RGS9: variants seen among roughly 807,000 people sequenced by gnomAD.
RGS9 encodes regulator of G protein signaling 9, also known as regulator of G-protein signalling 9.
In RGS9, 78 loss-of-function variants were observed where a neutral mutation model predicts 102.0. That is an observed-to-expected ratio of 0.76 (90% CI 0.64 to 0.92). The LOEUF is 0.92. Among genes scored for constraint, RGS9 ranks in the 40% least tolerant of loss-of-function variants. The pLI is 0.00. For synonymous variants in RGS9, 353 were observed against 318.6 expected, an observed-to-expected ratio of 1.11 and a Z score of -1.15; for missense variants, 833 against 866.1, an observed-to-expected ratio of 0.96 and a Z score of 0.48.
chr17:65,163,060 T>C lies in RGS9; in HGVS notation c.471T>C (p.Phe157=), dbSNP rs1445346693. ...LNQKMNYKWD[F]VIMQAKEQYR... is the part of the protein sequence containing the mutation. ...AAAAAATGAACTATAAGTGGGACTTTGTCATTATGCAGGCCAAAGAGCAGT... is the reference window on the plus strand; with the variant it reads ...AAAAAATGAACTATAAGTGGGACTTCGTCATTATGCAGGCCAAAGAGCAGT... Residue 157 remains phenylalanine (F), a synonymous_variant, in exon 7 of 19, where the codon TTT becomes TTC. Transcript: ENST00000262406. 1 of 1,606,274 alleles carries C rather than the reference T, an allele frequency of 6.2e-7. No homozygotes were observed. The highest frequency in any genetic ancestry group is 8.5e-7 in the Non-Finnish European group (1 of 1,173,266).
intron 8 of RGS9, among the ~76,000 whole-genome samples, chr17:65,169,968 T>G (rs969361658): frequency 2.6e-5 from 4 of 151,636 alleles, no homozygotes; most frequent in Admixed American, 6.6e-5. Context: ...ATCACTGTGG[T>G]CACTGTCACC....
At chr17:65,157,725 G>A (rs1362906080) in intron 2 of RGS9, among the ~76,000 whole-genome samples, 1 of 152,074 alleles carries the variant, frequency 6.6e-6, no homozygotes, top group Non-Finnish European at 1.5e-5. Context: ...CCTTCACAAT[G>A]TCATGGAAGG....
Position 65,225,026 on chromosome 17 carries a change from C to T in RGS9, c.1432C>T (p.Pro478Ser). ...TQPGQHMAPSPHLTVYTGTCM... is the reference protein window; with the variant it reads ...TQPGQHMAPSSHLTVYTGTCM... ...GCCGGGCCAGCACATGGCTCCCAGC[C>T]CCCATCTGACCGTGTACACCGGGAC... Residue 478 changes from proline to serine, a missense_variant, in exon 18 of 19, where the codon CCC becomes TCC. This residue lies in a region of RGS9 where 320 missense variants were observed against 276.8 expected (regional missense o/e 1.16). Coordinates refer to ENST00000262406, the MANE Select transcript of RGS9 (RefSeq NM_003835.4). The T allele has an allele frequency of 6.2e-7, 1 of 1,614,016 alleles. No homozygotes were observed. The highest frequency in any genetic ancestry group is 8.5e-7 in the Non-Finnish European group (1 of 1,179,998).
In RGS9 at chr17:65,158,344, G is replaced by A; in HGVS notation, c.204G>A (p.Leu68=). Residue 68 remains leucine, a splice_region_variant and synonymous_variant, in exon 3 of 19, where the codon CTG becomes CTA. Coordinates refer to ENST00000262406, the MANE Select transcript of RGS9 (RefSeq NM_003835.4). ...WIVQRLWISS[L]EAQNLGNFIV... ...TCCAGCGGCTTTGGATCTCCAGTCT[G>A]GGTGAGAGCTCATCTGGCACTCAGT... The A allele has an allele frequency of 5.0e-6, 8 of 1,614,012 alleles. No individual in the cohort carries two copies. The highest frequency in any genetic ancestry group is 6.8e-6 in the Non-Finnish European group (8 of 1,179,898).
chr17:65,169,207 T>G (rs1911313916), intron 8 of RGS9, among the ~76,000 whole-genome samples: 1 of 152,188 alleles, frequency 6.6e-6, no homozygotes, highest in South Asian at 2.1e-4. Context: ...TTATATTCTT[T>G]ATATACTGAA....
At chr17:65,201,634 G>T (rs1172471532) in intron 13 of RGS9, among the ~76,000 whole-genome samples, 1 of 152,210 alleles carries the variant, frequency 6.6e-6, no homozygotes, top group Non-Finnish European at 1.5e-5. Context: ...GACAACCTCT[G>T]GGGGGTGATA....
chr17:65,159,843 C>CT (rs1910910389), intron 3 of RGS9, among the ~76,000 whole-genome samples: 1 of 152,158 alleles, frequency 6.6e-6, no homozygotes, highest in African/African-American at 2.4e-5. Flanking sequence ...GACAAAGTGT[C>CT]TGTTGGTCCA....
At position 65,177,778 on chromosome 17, in the gene RGS9, A is replaced by G. The variant is rs374824643; in HGVS notation, c.629A>G (p.Asn210Ser). ...VLDYGLDRVTNPNEVKVNQKQ... is the reference protein window; with the variant it reads ...VLDYGLDRVTSPNEVKVNQKQ... Reference sequence around the variant, plus strand: ...GACTACGGCCTGGACCGAGTGACCAATCCGAATGAAGTCAAGGTAAACCAG... The same window carrying G: ...GACTACGGCCTGGACCGAGTGACCAGTCCGAATGAAGTCAAGGTAAACCAG... The change falls in exon 9 of 19, where the codon AAT (asparagine) becomes AGT (serine). Residue 210 changes from asparagine to serine, a missense_variant. Transcript: ENST00000262406. 1.9e-5 allele frequency: 31 copies of G among 1,614,108 alleles called. No homozygotes were observed. In the African/African-American group the frequency reaches 3.5e-4, roughly 18 times the overall value.
chr17:65,177,820 T>C lies in RGS9; in HGVS notation c.654+17T>C. 1 of 1,610,916 alleles carries C rather than the reference T, an allele frequency of 6.2e-7. No individual in the cohort carries two copies. Among genetic ancestry groups the C allele is most frequent in the Non-Finnish European group, 8.5e-7 (1 of 1,177,050 alleles). Reference sequence around the variant, plus strand: ...GTAAACCAGGTATGTCTCTGCTGCATAGTTTGGGTAGGGCCTAGGTCGGAT... The same window carrying C: ...GTAAACCAGGTATGTCTCTGCTGCACAGTTTGGGTAGGGCCTAGGTCGGAT... On this transcript the variant is annotated intron_variant, in intron 9 of 18. Transcript: ENST00000262406.
intron 1 of RGS9, among the ~76,000 whole-genome samples, chr17:65,144,381 G>A (rs1226999045): frequency 6.6e-6 from 1 of 152,186 alleles, no homozygotes; most frequent in Non-Finnish European, 1.5e-5. Flanking sequence ...AGCCATCAAA[G>A]CCCTCATTTC....
chr17:65,179,713 T>C (rs888740589), intron 9 of RGS9, among the ~76,000 whole-genome samples: 4 of 150,502 alleles, frequency 2.7e-5, no homozygotes, highest in Non-Finnish European at 4.4e-5. Flanking sequence ...CTTAACTTCA[T>C]CCATTTGAGA....
intron 17 of RGS9, among the ~76,000 whole-genome samples, chr17:65,223,000 T>C (rs1905427294): frequency 6.6e-6 from 1 of 152,176 alleles, no homozygotes; most frequent in South Asian, 2.1e-4. Flanking sequence ...CCACTGTTCC[T>C]GGCAGGGTGT....
At chr17:65,213,402 A>G (rs1393650911) in intron 17 of RGS9, among the ~76,000 whole-genome samples, 1 of 152,076 alleles carries the variant, frequency 6.6e-6, no homozygotes, top group African/African-American at 2.4e-5. Flanking sequence ...TGTGTGGCCT[A>G]CTTTTATGGG....
intron 11 of RGS9, 60 bp from the exon 12 acceptor site, chr17:65,193,483 T>G: frequency 4.0e-6 from 4 of 1,008,678 alleles, no homozygotes; most frequent in Non-Finnish European, 6.4e-6. Flanking sequence ...TTGACCTGTG[T>G]ATTGATGTCA....
Position 65,210,493 on chromosome 17 carries a change from C to G in RGS9, c.1295C>G (p.Thr432Ser). 1 of 1,613,328 alleles carries G rather than the reference C, an allele frequency of 6.2e-7. No homozygotes were observed. ...EPQETTKKSS[T>S]LPFMRRHLRS... ...CAATCTGTCCTTCCTTCCAGCTCCA[C>G]CCTCCCTTTTATGCGGCGTCACCTG... Residue 432 changes from threonine to serine, a missense_variant, in exon 17 of 19, where the codon ACC becomes AGC. Transcript: ENST00000262406.
chr17:65,166,476 G>A (rs1296493682), intron 7 of RGS9, among the ~76,000 whole-genome samples: 1 of 152,196 alleles, frequency 6.6e-6, no homozygotes, highest in Admixed American at 6.5e-5. Flanking sequence ...ACTATGTTTG[G>A]TTCACCAGTA....
At chr17:65,158,156 T>G (rs1187294432) in intron 2 of RGS9, 139 bp from the exon 3 acceptor site, 1 of 796,694 alleles carries the variant, frequency 1.3e-6, no homozygotes, top group South Asian at 1.4e-5. Context: ...CATGATGAGG[T>G]GGGGGTTTCT....
chr17:65,171,559 A>T (rs1035271453), intron 8 of RGS9, among the ~76,000 whole-genome samples: 2 of 152,216 alleles, frequency 1.3e-5, no homozygotes, highest in African/African-American at 4.8e-5. Flanking sequence ...TCTCCCAGAG[A>T]TAAGACCTAA....
At chr17:65,219,934 TATC>T (rs1181699191) in intron 17 of RGS9, among the ~76,000 whole-genome samples, 2 of 151,746 alleles carry the variant, frequency 1.3e-5, no homozygotes, top group South Asian at 2.1e-4. Flanking sequence ...TCATTATTAT[TATC>T]ATCACCGCCA....
Sources: allele counts gnomAD v4.1 joint callset (sites outside exome capture counted in the v4.1 genomes callset), GRCh38; gene constraint gnomAD v4.1.1; regional missense constraint gnomAD v4.1.1; transcripts MANE v1.5; gene names NCBI Gene and HGNC (gene_info 2026-07-23, HGNC 2026-07-21).